CFAP54: variants seen among roughly 807,000 people sequenced by gnomAD.
CFAP54 encodes cilia- and flagella-associated protein 54.
Under a neutral mutation model 370.4 loss-of-function variants are expected in CFAP54, and 290 were observed. That is an observed-to-expected ratio of 0.78 (90% CI 0.71 to 0.86). The LOEUF (loss-of-function observed/expected upper bound fraction) is 0.86. Among genes scored for constraint, CFAP54 ranks in the 40% least tolerant of loss-of-function variants. The pLI, the probability that CFAP54 is intolerant of heterozygous loss-of-function variation, is 0.00. For synonymous variants in CFAP54, 1,206 were observed against 1,236.5 expected, an observed-to-expected ratio of 0.98 and a Z score of 0.52; for missense variants, 3,399 against 3,528.7, an observed-to-expected ratio of 0.96 and a Z score of 0.93.
At chr12:96,511,474 A>G (rs370244229) in intron 4 of CFAP54, among the ~76,000 whole-genome samples, 1 of 152,072 alleles carries the variant, frequency 6.6e-6, no homozygotes, top group African/African-American at 2.4e-5. Flanking sequence ...GCATACCATC[A>G]CGCCCAGCTA....
At position 96,598,642 on chromosome 12, in the gene CFAP54, T is replaced by C. The variant is rs538775419; in HGVS notation, c.3517-3T>C. 4.9e-6 allele frequency: 3 copies of C among 609,016 alleles called. No homozygotes were observed. In the South Asian group the frequency reaches 6.2e-5, roughly 13 times the overall value. 37.7% of individuals were successfully genotyped at this position (609,016 alleles called of 1,614,324 possible). On this transcript the variant is annotated splice_polypyrimidine_tract_variant and splice_region_variant and intron_variant, in intron 25 of 67. Coordinates refer to ENST00000524981, the MANE Select transcript of CFAP54 (RefSeq NM_001306084.2). The stretch of plus-strand genomic sequence containing the variant: ...CAAAAATCATTGTGATTCTAATTTT[T>C]AGATCCTGATAAAGTGTATAGTGGT...
chr12:96,690,973 T>C (rs1468211683), intron 43 of CFAP54, among the ~76,000 whole-genome samples, 155 bp from the exon 44 acceptor site: 2 of 152,178 alleles, frequency 1.3e-5, no homozygotes, highest in Non-Finnish European at 2.9e-5. Flanking sequence ...CCTGTAATGA[T>C]GATAATATAA....
chr12:96,713,293 C>T (rs1473730150), intron 48 of CFAP54, among the ~76,000 whole-genome samples: 1 of 152,030 alleles, frequency 6.6e-6, no homozygotes, highest in Admixed American at 6.6e-5. Context: ...AAGTGTCCAG[C>T]AGTGGATGAA....
chr12:96,761,361 A>T (rs1163679415), intron 58 of CFAP54, among the ~76,000 whole-genome samples: 1 of 152,110 alleles, frequency 6.6e-6, no homozygotes, highest in African/African-American at 2.4e-5. Context: ...TTAAAAATAT[A>T]TGTATTCTAG....
chr12:96,693,005 G>A (rs141367152), intron 44 of CFAP54, among the ~76,000 whole-genome samples: 42 of 152,292 alleles, frequency 2.8e-4, no homozygotes, highest in Admixed American at 2.7e-3. Flanking sequence ...TGGATGGATC[G>A]TGGTTGGGCC....
chr12:96,596,845 A>G (rs1424297133), intron 25 of CFAP54, among the ~76,000 whole-genome samples: 2 of 152,124 alleles, frequency 1.3e-5, no homozygotes, highest in Non-Finnish European at 2.9e-5. Context: ...AACCTAATAG[A>G]AAAATAGGCA....
chr12:96,623,865 C>G lies in CFAP54; in HGVS notation c.3870C>G (p.Leu1290=). 6.5e-7 allele frequency: 1 copy of G among 1,531,194 alleles called. No homozygotes were observed. Among genetic ancestry groups the G allele is most frequent in the Non-Finnish European group, 8.7e-7 (1 of 1,142,874 alleles). The allele number at this position is 1,531,194 out of a possible 1,614,324, so 94.9% of individuals were successfully genotyped here. A position where few individuals can be genotyped will look rare whatever the true frequency, so the allele number is the denominator to read the frequency against. Residue 1290 remains leucine (L), a synonymous_variant, in exon 28 of 68, where the codon CTC becomes CTG. Transcript: ENST00000524981. ...TGGCCTTGTTGGAGACACACCTACT[C>G]AAACTGACAAAGCAATGTAATCATT... is the stretch of plus-strand genomic sequence containing the variant. The part of the protein sequence containing the change: ...EQLALLETHL[L]KLTKQYVTSE...
chr12:96,864,775 G>A (rs895175459), intron 67 of CFAP54, among the ~76,000 whole-genome samples: 1 of 152,112 alleles, frequency 6.6e-6, no homozygotes, highest in South Asian at 2.1e-4. Context: ...AGTAGCTCAA[G>A]AGTGTCGTAA....
chr12:96,648,196 T>A (rs1348024698), intron 34 of CFAP54, among the ~76,000 whole-genome samples, 179 bp downstream of exon 34: 1 of 152,192 alleles, frequency 6.6e-6, no homozygotes, highest in Non-Finnish European at 1.5e-5. Context: ...TTTTAAAAAA[T>A]TTCTATATTC....
chr12:96,502,538 A>G (rs924936362), intron 2 of CFAP54, among the ~76,000 whole-genome samples: 4 of 151,924 alleles, frequency 2.6e-5, no homozygotes, highest in Non-Finnish European at 5.9e-5. Flanking sequence ...TGAATTTATT[A>G]TATGACTCAA....
intron 26 of CFAP54, among the ~76,000 whole-genome samples, chr12:96,599,138 C>T (rs1009296597): frequency 2.6e-5 from 4 of 151,936 alleles, no homozygotes; most frequent in Non-Finnish European, 2.9e-5. Flanking sequence ...AGGTATTTCT[C>T]CTAATACTAT....
intron 67 of CFAP54, among the ~76,000 whole-genome samples, chr12:96,870,976 A>G (rs1439973519): frequency 6.6e-6 from 1 of 152,226 alleles, no homozygotes; most frequent in Non-Finnish European, 1.5e-5. Flanking sequence ...TAAGGGACAG[A>G]GTGCAATCAG....
chr12:96,695,110 C>A (rs369679603), intron 45 of CFAP54, among the ~76,000 whole-genome samples: 1 of 152,204 alleles, frequency 6.6e-6, no homozygotes, highest in South Asian at 2.1e-4. Flanking sequence ...TGAATACTCC[C>A]ACTATGTCTG....
intron 32 of CFAP54, among the ~76,000 whole-genome samples, chr12:96,639,833 T>A (rs1032075885): frequency 2.0e-5 from 3 of 152,300 alleles, no homozygotes; most frequent in South Asian, 2.1e-4. Context: ...AAAAACCACA[T>A]GATTATCTCA....
chr12:96,771,145 G>A (rs896513021), intron 60 of CFAP54, among the ~76,000 whole-genome samples: 2 of 152,174 alleles, frequency 1.3e-5, no homozygotes, highest in African/African-American at 2.4e-5. Context: ...CACTGGAGAG[G>A]AATTCAAATT....
chr12:96,682,734 C>T (rs894153427), intron 40 of CFAP54, among the ~76,000 whole-genome samples: 4 of 151,970 alleles, frequency 2.6e-5, no homozygotes, highest in Non-Finnish European at 5.9e-5. Context: ...GTCCTGAAAT[C>T]TTACTTTTAA....
intron 50 of CFAP54, among the ~76,000 whole-genome samples, chr12:96,721,995 C>T (rs963344786): frequency 3.3e-5 from 5 of 152,230 alleles, no homozygotes; most frequent in Non-Finnish European, 5.9e-5. Context: ...CTTTCAAGCC[C>T]GACCACTGTC....
chr12:96,505,887 C>G (rs1955094547), intron 3 of CFAP54, among the ~76,000 whole-genome samples: 1 of 152,178 alleles, frequency 6.6e-6, no homozygotes, highest in Non-Finnish European at 1.5e-5. Context: ...CCTCTAAGAG[C>G]AGTGTCCGTT....
intron 19 of CFAP54, among the ~76,000 whole-genome samples, chr12:96,574,190 A>G (rs556986826): frequency 3.3e-5 from 5 of 152,274 alleles, no homozygotes; most frequent in East Asian, 1.9e-4. Context: ...CTCAGATCCT[A>G]TCTCCAGTTT....
Sources: gnomAD v4.1 joint callset for allele counts (sites outside exome capture counted in the v4.1 genomes callset) on GRCh38, gnomAD v4.1.1 for gene constraint, MANE v1.5 for transcripts, NCBI Gene and HGNC (gene_info 2026-07-23, HGNC 2026-07-21) for gene names.